Variants in MARCHF4 observed in about 807,000 individuals in gnomAD.
MARCHF4 encodes the protein membrane associated ring-CH-type finger 4.
A neutral mutation model predicts 43.9 loss-of-function variants in MARCHF4; 14 were observed. That is an observed-to-expected ratio of 0.32 (90% CI 0.21 to 0.50). The LOEUF (loss-of-function observed/expected upper bound fraction) is 0.50. MARCHF4 is among the 20% of genes least tolerant of loss of function. The pLI, the probability that MARCHF4 is intolerant of heterozygous loss-of-function variation, is 0.98. For missense variants in MARCHF4, 468 were observed against 536.7 expected (o/e 0.87, Z 1.27); for synonymous variants, 226 against 213.3 (o/e 1.06, Z -0.52).
chr2:216,289,723 C>G (rs1691277088), intron 1 of MARCHF4, among the ~76,000 whole-genome samples: 1 of 152,140 alleles, frequency 6.6e-6, no homozygotes, highest in South Asian at 2.1e-4. Flanking sequence ...ATCCCTGCCA[C>G]TAAGTAGAAA....
intron 1 of MARCHF4, among the ~76,000 whole-genome samples, chr2:216,348,794 A>G (rs1692358874): frequency 1.3e-5 from 2 of 152,348 alleles, no homozygotes; most frequent in East Asian, 3.9e-4. Flanking sequence ...CTTTGCCTGT[A>G]ACATTAACAT....
chr2:216,345,657 T>C (rs965042569), intron 1 of MARCHF4, among the ~76,000 whole-genome samples: 2 of 152,214 alleles, frequency 1.3e-5, no homozygotes, highest in African/African-American at 4.8e-5. Context: ...AATTCTAATA[T>C]GCCAGCTAAG....
chr2:216,266,958 A>T (rs1407939054), intron 3 of MARCHF4, among the ~76,000 whole-genome samples: 2 of 152,230 alleles, frequency 1.3e-5, no homozygotes, highest in Non-Finnish European at 2.9e-5. Context: ...ATAAAGTTAC[A>T]AAAGTAGTTT....
intron 1 of MARCHF4, among the ~76,000 whole-genome samples, chr2:216,336,262 C>T (rs1413014864): frequency 1.3e-5 from 2 of 151,934 alleles, no homozygotes; most frequent in Non-Finnish European, 2.9e-5. Context: ...TCAGTAAAAA[C>T]CGAAAGATTT....
chr2:216,327,069 G>A (rs1197725873), intron 1 of MARCHF4, among the ~76,000 whole-genome samples: 1 of 152,050 alleles, frequency 6.6e-6, no homozygotes, highest in Non-Finnish European at 1.5e-5. Context: ...ACAGTGTTTG[G>A]CATATACTAA....
chr2:216,359,966 T>C (rs766958793), intron 1 of MARCHF4, among the ~76,000 whole-genome samples: 8 of 152,160 alleles, frequency 5.3e-5, no homozygotes, highest in Non-Finnish European at 1.0e-4. Flanking sequence ...ACACCTCTGT[T>C]CCTTGTTCCA....
chr2:216,266,949 T>C (rs1298836483), intron 3 of MARCHF4, among the ~76,000 whole-genome samples: 3 of 152,190 alleles, frequency 2.0e-5, no homozygotes, highest in Non-Finnish European at 2.9e-5. Flanking sequence ...AAAGTTACCA[T>C]AAAGTTACAA....
At chr2:216,356,454 T>A (rs1418353033) in intron 1 of MARCHF4, among the ~76,000 whole-genome samples, 2 of 152,206 alleles carry the variant, frequency 1.3e-5, no homozygotes, top group African/African-American at 2.4e-5. Flanking sequence ...CTTCTTAAAT[T>A]CCACACAGTT....
intron 1 of MARCHF4, among the ~76,000 whole-genome samples, chr2:216,301,975 C>A (rs931275568): frequency 6.6e-6 from 1 of 152,152 alleles, no homozygotes; most frequent in Non-Finnish European, 1.5e-5. Context: ...GTCATTGACC[C>A]ACCCAAGCTC....
chr2:216,326,213 C>T (rs1204079324), intron 1 of MARCHF4, among the ~76,000 whole-genome samples: 5 of 152,326 alleles, frequency 3.3e-5, no homozygotes, highest in Non-Finnish European at 5.9e-5. Flanking sequence ...TGAAAAAATG[C>T]TCCCCATCAC....
At chr2:216,338,018 G>A (rs138621732) in intron 1 of MARCHF4, among the ~76,000 whole-genome samples, 3 of 152,340 alleles carry the variant, frequency 2.0e-5, no homozygotes, top group African/African-American at 7.2e-5. Flanking sequence ...TAAGATCACA[G>A]AGGTCAGCAG....
intron 3 of MARCHF4, among the ~76,000 whole-genome samples, chr2:216,262,244 C>A (rs1690753027): frequency 6.6e-6 from 1 of 152,094 alleles, no homozygotes; most frequent in Non-Finnish European, 1.5e-5. Context: ...TGTTAAGTAT[C>A]CATTTGAGAT....
At chr2:216,327,313 A>G (rs1200383084) in intron 1 of MARCHF4, among the ~76,000 whole-genome samples, 2 of 152,116 alleles carry the variant, frequency 1.3e-5, no homozygotes, top group African/African-American at 4.8e-5. Flanking sequence ...GCTGAATTAT[A>G]TTACAATATA....
At chr2:216,369,447 C>T (rs1692717813) in intron 1 of MARCHF4, among the ~76,000 whole-genome samples, 1 of 152,126 alleles carries the variant, frequency 6.6e-6, no homozygotes, top group Admixed American at 6.5e-5. Context: ...TTCTTCACTC[C>T]GTTGTTTCTA....
intron 1 of MARCHF4, among the ~76,000 whole-genome samples, chr2:216,367,421 T>G (rs1692684199): frequency 6.8e-6 from 1 of 147,768 alleles, no homozygotes; most frequent in Non-Finnish European, 1.5e-5. Context: ...TTATCTCCCC[T>G]CCTTTGTCTC....
At chr2:216,321,759 T>G (rs1451760767) in intron 1 of MARCHF4, 3 of 152,236 alleles carry the variant, frequency 2.0e-5, no homozygotes, top group Admixed American at 1.3e-4. Flanking sequence ...TCTTCCAATA[T>G]GTCTTCTGGA....
At chr2:216,298,504 G>A (rs11675704) in intron 1 of MARCHF4, among the ~76,000 whole-genome samples, 1 of 152,076 alleles carries the variant, frequency 6.6e-6, no homozygotes, top group East Asian at 1.9e-4. Context: ...GGGCTCAAGA[G>A]ATTCACCTGC....
chr2:216,280,368 A>T (rs62178748), intron 2 of MARCHF4, among the ~76,000 whole-genome samples: 1 of 152,088 alleles, frequency 6.6e-6, no homozygotes, highest in Non-Finnish European at 1.5e-5. Flanking sequence ...TGTGTGCCTT[A>T]GAACAGGAAG....
At chr2:216,369,681 C>G (rs530565726) in intron 1 of MARCHF4, 64 bp downstream of exon 1, 1 of 1,344,690 alleles carries the variant, frequency 7.4e-7, no homozygotes, top group East Asian at 2.3e-5. Context: ...GGCAAGCAGG[C>G]GAGTAGCAAT....
Sources: gnomAD v4.1 joint callset for allele counts (sites outside exome capture counted in the v4.1 genomes callset) on GRCh38, gnomAD v4.1.1 for gene constraint, MANE v1.5 for transcripts, NCBI Gene and HGNC (gene_info 2026-07-23, HGNC 2026-07-21) for gene names.